Variants in MND1 observed in about 807,000 individuals in gnomAD.
MND1 encodes meiotic nuclear divisions 1.
In MND1, 28 loss-of-function variants were observed where a neutral mutation model predicts 35.1. That is an observed-to-expected ratio of 0.80 (90% CI 0.59 to 1.09). The LOEUF (loss-of-function observed/expected upper bound fraction) is 1.09. Among genes scored for constraint, MND1 ranks in the 50% least tolerant of loss-of-function variants. The pLI, the probability that MND1 is intolerant of heterozygous loss-of-function variation, is 0.00. For synonymous variants in MND1, 69 were observed against 70.5 expected, an observed-to-expected ratio of 0.98 and a Z score of 0.11; for missense variants, 213 against 239.6, an observed-to-expected ratio of 0.89 and a Z score of 0.73.
intron 4 of MND1, among the ~76,000 whole-genome samples, chr4:153,361,970 A>AT (rs1773506107): frequency 6.6e-6 from 1 of 151,546 alleles, no homozygotes; most frequent in Non-Finnish European, 1.5e-5. Flanking sequence ...AGAACTCTTT[A>AT]TTTTTTCCAT....
intron 3 of MND1, among the ~76,000 whole-genome samples, chr4:153,356,293 C>T (rs1226345260): frequency 5.3e-5 from 8 of 152,122 alleles, no homozygotes; most frequent in Admixed American, 3.3e-4. Flanking sequence ...TGGTGGCTCA[C>T]GCCTATAATC....
chr4:153,381,068 T>G (rs1728667479), intron 4 of MND1, among the ~76,000 whole-genome samples: 1 of 151,936 alleles, frequency 6.6e-6, no homozygotes, highest in Admixed American at 6.6e-5. Context: ...CCCGGCTAAT[T>G]TTTTGTATTT....
chr4:153,408,948 T>TTA, intron 6 of MND1, 23 bp from the exon 7 acceptor site: 1 of 1,003,990 alleles, frequency 1.0e-6, no homozygotes, highest in Non-Finnish European at 1.3e-6. Context: ...ACATTTCATT[T>TTA]TATATATATA....
chr4:153,401,156 A>G (rs1729337714), intron 6 of MND1, among the ~76,000 whole-genome samples: 1 of 152,196 alleles, frequency 6.6e-6, no homozygotes, highest in South Asian at 2.1e-4. Flanking sequence ...TAATTCCAGC[A>G]CTTTGGGAGG....
chr4:153,354,856 G>T (rs940646809), intron 2 of MND1, among the ~76,000 whole-genome samples: 1 of 152,072 alleles, frequency 6.6e-6, no homozygotes, highest in Non-Finnish European at 1.5e-5. Flanking sequence ...TGATCTCCAA[G>T]AACTTTAAAT....
intron 2 of MND1, among the ~76,000 whole-genome samples, chr4:153,355,235 G>C (rs779109923): frequency 1.4e-4 from 21 of 152,064 alleles, no homozygotes; most frequent in Non-Finnish European, 2.6e-4. Flanking sequence ...TGAAGGTATG[G>C]AATGAGATAA....
At chr4:153,381,667 A>AATATATATATATATATAT (rs199673350) in intron 4 of MND1, 7 of 25,456 alleles carry the variant, frequency 2.7e-4, no homozygotes, top group Non-Finnish European at 4.0e-4. Flanking sequence ...TATATAATAT[A>AATATATATATATATATAT]ATATATATAT....
At chr4:153,372,914 A>G (rs949272849) in intron 4 of MND1, among the ~76,000 whole-genome samples, 9 of 152,090 alleles carry the variant, frequency 5.9e-5, no homozygotes, top group African/African-American at 2.2e-4. Flanking sequence ...TGTGCCCTTG[A>G]TGTATTTATC....
At chr4:153,348,672 T>G (rs529611052) in intron 1 of MND1, among the ~76,000 whole-genome samples, 4 of 152,262 alleles carry the variant, frequency 2.6e-5, no homozygotes, top group African/African-American at 9.6e-5. Flanking sequence ...TTTGTGTGTG[T>G]GGGCTTTGTT....
chr4:153,397,191 A>G (rs1459812915), intron 5 of MND1, 28 bp from the exon 6 acceptor site: 2 of 1,532,792 alleles, frequency 1.3e-6, no homozygotes, highest in South Asian at 1.2e-5. Context: ...GTTTGTCTTA[A>G]TTGAACATAA....
At chr4:153,411,863 AT>A (rs1187275319) in intron 7 of MND1, among the ~76,000 whole-genome samples, 3 of 151,932 alleles carry the variant, frequency 2.0e-5, no homozygotes, top group Admixed American at 1.3e-4. Context: ...GTAATAAATT[AT>A]TTTTTTTCAC....
rs553143911 is a variant in MND1 at position 153,359,634 on chromosome 4, G to A, written c.276+1012G>A. On this transcript the variant is annotated intron_variant, in intron 4 of 7. Coordinates refer to ENST00000240488, the MANE Select transcript of MND1 (RefSeq NM_032117.4). ...ATCTGTTTTTGCATTCCCAACTACA[G>A]TGGGTAAGAGTTACTATTGGTTCAC... 3.9e-5 allele frequency among the ~76,000 whole-genome samples: 6 copies of A among 152,298 alleles called. No individual in the cohort carries two copies. In the East Asian group the frequency reaches 9.6e-4, roughly 24 times the overall value.
intron 4 of MND1, among the ~76,000 whole-genome samples, chr4:153,374,010 G>A (rs777218595): frequency 1.1e-4 from 16 of 152,230 alleles, no homozygotes; most frequent in Non-Finnish European, 1.8e-4. Context: ...GACATGGATG[G>A]AAATCACAGC....
chr4:153,386,444 G>A (rs966363986), intron 4 of MND1, among the ~76,000 whole-genome samples: 4 of 152,076 alleles, frequency 2.6e-5, no homozygotes, highest in Non-Finnish European at 5.9e-5. Context: ...GCTACAATGA[G>A]CTATGATTGC....
At chr4:153,400,893 T>C (rs929966823) in intron 6 of MND1, among the ~76,000 whole-genome samples, 1 of 152,202 alleles carries the variant, frequency 6.6e-6, no homozygotes, top group African/African-American at 2.4e-5. Context: ...ATTATAACTG[T>C]ATTCCATATG....
chr4:153,353,678 A>G (rs909076600), intron 2 of MND1, among the ~76,000 whole-genome samples: 1 of 151,596 alleles, frequency 6.6e-6, no homozygotes, highest in Admixed American at 6.6e-5. Context: ...TTTTTTTGGA[A>G]GAACTGTATC....
chr4:153,345,635 T>G (rs1773059488), intron 1 of MND1: 1 of 732,318 alleles, frequency 1.4e-6, no homozygotes, highest in African/African-American at 1.9e-5. Context: ...GGATCTAAGA[T>G]TTTAATATCT....
intron 2 of MND1, among the ~76,000 whole-genome samples, chr4:153,350,901 T>C (rs545510125): frequency 1.5e-4 from 23 of 150,446 alleles, no homozygotes; most frequent in African/African-American, 5.6e-4. Context: ...AGTGGTAGAA[T>C]TGAATATTAA....
intron 4 of MND1, among the ~76,000 whole-genome samples, chr4:153,382,833 A>G (rs534231167): frequency 4.9e-4 from 74 of 152,344 alleles, no homozygotes; most frequent in Non-Finnish European, 7.3e-4. Context: ...AGAAATTTCA[A>G]TGGTGGACAA....
Sources: gnomAD v4.1 joint callset for allele counts (sites outside exome capture counted in the v4.1 genomes callset) on GRCh38, gnomAD v4.1.1 for gene constraint, MANE v1.5 for transcripts, NCBI Gene and HGNC (gene_info 2026-07-23, HGNC 2026-07-21) for gene names.